Variants in NCOR2 observed in about 807,000 individuals in gnomAD.
NCOR2 encodes nuclear receptor corepressor 2, also known as CTG repeat protein 26.
In NCOR2, 81 loss-of-function variants were observed where a neutral mutation model predicts 262.9. The ratio of observed to expected loss-of-function variants is 0.31; its 90% CI spans 0.26 to 0.37. The LOEUF is 0.37. Ranked by LOEUF, NCOR2 falls within the 10% of genes least tolerant of loss-of-function variation. The pLI is 1.00. For synonymous variants in NCOR2, 1,659 were observed against 1,559.3 expected, an observed-to-expected ratio of 1.06 and a Z score of -1.51; for missense variants, 3,385 against 3,621.4, an observed-to-expected ratio of 0.93 and a Z score of 1.68.
At chr12:124,547,047 T>C (rs1282973845) in intron 1 of NCOR2, among the ~76,000 whole-genome samples, 1 of 152,154 alleles carries the variant, frequency 6.6e-6, no homozygotes, top group Non-Finnish European at 1.5e-5. Context: ...TGGAGTGCAA[T>C]GGTGCAATCT....
chr12:124,389,734 G>A lies in NCOR2; in HGVS notation c.1877-3847C>T, dbSNP rs1318649192. Among the ~76,000 whole-genome samples the A allele has an allele frequency of 1.3e-5, 2 of 152,164 alleles. No homozygotes were observed. Among genetic ancestry groups the A allele is most frequent in the Non-Finnish European group, 2.9e-5 (2 of 68,028 alleles). On this transcript the variant is annotated intron_variant, in intron 16 of 46. Coordinates refer to ENST00000405201, the Ensembl canonical transcript of NCOR2. The surrounding 1 kb of genome is among the most constrained non-coding windows in gnomAD (Gnocchi z 4.4). ...GCCTTTGCAGGGTGCACATGAGACC[G>A]CCAACCATTTAGGGGAGGGGGAAGG... is the stretch of plus-strand genomic sequence containing the variant.
At chr12:124,396,403 C>A (rs762442802) in intron 16 of NCOR2, among the ~76,000 whole-genome samples, 3 of 152,200 alleles carry the variant, frequency 2.0e-5, no homozygotes, top group African/African-American at 4.8e-5. Flanking sequence ...AATAAAGCTT[C>A]TTTTGCAGCC....
At chr12:124,494,061 C>T (rs1051238121) in intron 1 of NCOR2, among the ~76,000 whole-genome samples, 3 of 152,196 alleles carry the variant, frequency 2.0e-5, no homozygotes, top group African/African-American at 2.4e-5. Flanking sequence ...GCAAAGCGCC[C>T]CAGGGGCCCA....
intron 21 of NCOR2, 133 bp downstream of exon 23, chr12:124,363,546 G>C (rs1593224104): frequency 1.1e-6 from 1 of 920,550 alleles, no homozygotes; most frequent in African/African-American, 1.7e-5. Flanking sequence ...GCTCCACGGG[G>C]ATTTCTCCAG....
Position 124,378,775 on chromosome 12 carries a change from A to G in NCOR2, c.2020-391T>C, listed in dbSNP as rs535518268. 1.2e-4 allele frequency among the ~76,000 whole-genome samples: 19 copies of G among 152,166 alleles called. No individual in the cohort carries two copies. The highest frequency in any genetic ancestry group is 2.6e-4 in the Admixed American group (4 of 15,284). On this transcript the variant is annotated intron_variant, in intron 17 of 46. Coordinates refer to ENST00000405201, the Ensembl canonical transcript of NCOR2. This position sits in a 1 kb window ranked among gnomAD's most constrained non-coding sequence, Gnocchi z 4.2. ...TGAACACAGGAAGCTTTTCCTTGCTATGCAAGTCTCACCTGTCCCTGGGGG... is the reference window on the plus strand; with the variant it reads ...TGAACACAGGAAGCTTTTCCTTGCTGTGCAAGTCTCACCTGTCCCTGGGGG...
intron 44 of NCOR2, among the ~76,000 whole-genome samples, chr12:124,329,769 A>G (rs550671245): frequency 4.9e-4 from 74 of 152,226 alleles, no homozygotes; most frequent in Non-Finnish European, 1.6e-4. Flanking sequence ...ATATTTATAT[A>G]TAAGTGTTAG....
At chr12:124,434,513 C>T (rs2044215673) in intron 8 of NCOR2, among the ~76,000 whole-genome samples, 2 of 152,100 alleles carry the variant, frequency 1.3e-5, no homozygotes, top group Admixed American at 1.3e-4. Context: ...ACAGACCCCC[C>T]AAGGAGCCAC....
At chr12:124,479,413 A>G (rs1178450318) in intron 3 of NCOR2, among the ~76,000 whole-genome samples, 2 of 150,878 alleles carry the variant, frequency 1.3e-5, no homozygotes, top group Non-Finnish European at 3.0e-5. Context: ...ACGCACACAC[A>G]GGTACATGCA....
chr12:124,524,772 AG>A (rs1165739833), intron 1 of NCOR2, among the ~76,000 whole-genome samples: 3 of 152,198 alleles, frequency 2.0e-5, no homozygotes, highest in Non-Finnish European at 4.4e-5. Context: ...GCCTGATGGA[AG>A]ACTAATTCAG....
Position 124,483,893 on chromosome 12 carries a change from G to A in NCOR2, c.234-120C>T, listed in dbSNP as rs1326852660. The A allele has an allele frequency of 1.1e-5, 13 of 1,230,350 alleles. No individual in the cohort carries two copies. The East Asian group carries it at 1.4e-4, about 14-fold the overall frequency. The allele number at this position is 1,230,350 out of a possible 1,614,324, so 76.2% of individuals were successfully genotyped here. A position where few individuals can be genotyped will look rare whatever the true frequency, so the allele number is the denominator to read the frequency against. Reference sequence around the variant, plus strand: ...CGCCGTGCTCTGTATGATCCTGCCAGGAAGGTGCTCACAGGAGCCCACCTC... The same window carrying A: ...CGCCGTGCTCTGTATGATCCTGCCAAGAAGGTGCTCACAGGAGCCCACCTC... On this transcript the variant is annotated intron_variant, in intron 2 of 46. Transcript: ENST00000405201. The surrounding 1 kb of genome is among the most constrained non-coding windows in gnomAD (Gnocchi z 6.3).
chr12:124,505,720 C>T (rs369419498), intron 1 of NCOR2, among the ~76,000 whole-genome samples: 1 of 152,042 alleles, frequency 6.6e-6, no homozygotes, highest in Non-Finnish European at 1.5e-5. Context: ...CAGAAGAGCC[C>T]CCAGAAGGAG....
intron 4 of NCOR2, among the ~76,000 whole-genome samples, chr12:124,468,624 C>G (rs2046648793): frequency 1.9e-5 from 1 of 52,078 alleles, no homozygotes; most frequent in Non-Finnish European, 3.7e-5. Context: ...CACCCTCATC[C>G]TCATCACCCT....
In NCOR2 at chr12:124,383,052, G is replaced by C. The variant is rs146264986; in HGVS notation, c.2019+2693C>G. ...TGAATGAATGGATGAATGAATGAAT[G>C]AATCAATCAATCGTGAGTGTGCCAC... On this transcript the variant is annotated intron_variant, in intron 17 of 46. Coordinates refer to ENST00000405201, the Ensembl canonical transcript of NCOR2. Among the ~76,000 whole-genome samples the C allele has an allele frequency of 1.8e-3, 281 of 152,258 alleles. 1 individual carries two copies. The highest frequency in any genetic ancestry group is 5.9e-3 in the African/African-American group (245 of 41,532).
chr12:124,456,547 CACTT>C (rs905429189), intron 6 of NCOR2, among the ~76,000 whole-genome samples: 11 of 152,220 alleles, frequency 7.2e-5, no homozygotes, highest in African/African-American at 2.7e-4. Context: ...TAATGCCCAG[CACTT>C]ACTGTTTACA....
At chr12:124,342,880 G>T in intron 33 of NCOR2, 125 bp downstream of exon 35, 1 of 986,880 alleles carries the variant, frequency 1.0e-6, no homozygotes, top group Non-Finnish European at 1.5e-6. Context: ...CAATCCCGAG[G>T]CCTCAGTTTC....
chr12:124,422,868 T>C (rs988850320), intron 11 of NCOR2, among the ~76,000 whole-genome samples: 3 of 151,768 alleles, frequency 2.0e-5, no homozygotes, highest in East Asian at 1.9e-4. Flanking sequence ...TTTGGTGGGG[T>C]TCCCCCCCCT....
chr12:124,408,599 C>T (rs2042400912), intron 13 of NCOR2, among the ~76,000 whole-genome samples: 1 of 151,354 alleles, frequency 6.6e-6, no homozygotes, highest in Non-Finnish European at 1.5e-5. Flanking sequence ...GCTGGTGGTG[C>T]TAATTTTAAT....
rs143606982 is a variant in NCOR2, at chr12:124,416,716, G to A, written c.1482+3241C>T. 3.4e-3 allele frequency among the ~76,000 whole-genome samples: 472 copies of A among 139,516 alleles called. 6 individuals are homozygous for A. The highest frequency in any genetic ancestry group is 0.012 in the African/African-American group (438 of 36,568). 91.5% of individuals were successfully genotyped at this position (139,516 alleles called of 152,430 possible). A position where few individuals can be genotyped will look rare whatever the true frequency, so the allele number is the denominator to read the frequency against. ...AGTCCCCGCGGCACAGATAGAACCC[G>A]CGGCACAGGGAGTCCCCGCGGCACA... On this transcript the variant is annotated intron_variant, in intron 13 of 46. Coordinates refer to ENST00000405201, the Ensembl canonical transcript of NCOR2.
At chr12:124,333,929 C>T (rs187160928) in intron 41 of NCOR2, among the ~76,000 whole-genome samples, 42 of 68,806 alleles carry the variant, frequency 6.1e-4, no homozygotes, top group South Asian at 1.9e-3. Flanking sequence ...CATGTGTGTG[C>T]GCGCGCATGT....
Sources: allele counts gnomAD v4.1 joint callset (sites outside exome capture counted in the v4.1 genomes callset), GRCh38; gene constraint gnomAD v4.1.1; non-coding constraint Gnocchi (gnomAD v3.1); transcripts MANE v1.5; gene names NCBI Gene and HGNC (gene_info 2026-07-23, HGNC 2026-07-21).